EML4: variants seen among roughly 807,000 people sequenced by gnomAD.
EML4 encodes the protein echinoderm microtubule-associated protein-like 4.
Under a neutral mutation model 129.0 loss-of-function variants are expected in EML4, and 72 were observed. The observed-to-expected ratio is 0.56, with a 90% CI of 0.46 to 0.68. EML4 has a LOEUF of 0.68. Ranked by LOEUF, EML4 falls within the 30% of genes least tolerant of loss-of-function variation. EML4 has a pLI of 0.00. For synonymous variants in EML4, 532 were observed against 405.0 expected (o/e 1.31, Z -3.77); for missense variants, 1,363 against 1,190.6 (o/e 1.14, Z -2.13).
At chr2:42,290,709 G>T (rs969003774) in intron 11 of EML4, among the ~76,000 whole-genome samples, 2 of 152,044 alleles carry the variant, frequency 1.3e-5, no homozygotes, top group African/African-American at 2.4e-5. Flanking sequence ...TGCAGCCAGG[G>T]GAACAGAGCG....
intron 22 of EML4, among the ~76,000 whole-genome samples, chr2:42,329,447 A>C (rs1402798841): frequency 6.6e-6 from 1 of 152,256 alleles, no homozygotes; most frequent in Non-Finnish European, 1.5e-5. Context: ...AGCTCTGGCA[A>C]GTATACGACC....
At chr2:42,177,015 ACTCCTGACC>A (rs1670646079) in intron 1 of EML4, among the ~76,000 whole-genome samples, 1 of 152,044 alleles carries the variant, frequency 6.6e-6, no homozygotes, top group Non-Finnish European at 1.5e-5. Flanking sequence ...CCTGTCTCAA[ACTCCTGACC>A]TCAAGTGATC....
At chr2:42,212,784 G>A (rs1175230176) in intron 1 of EML4, among the ~76,000 whole-genome samples, 1 of 152,044 alleles carries the variant, frequency 6.6e-6, no homozygotes, top group African/African-American at 2.4e-5. Context: ...TATTGGGTAG[G>A]GCATGAGAAT....
intron 11 of EML4, among the ~76,000 whole-genome samples, chr2:42,290,648 A>G (rs568299617): frequency 8.1e-4 from 124 of 152,158 alleles, no homozygotes; most frequent in African/African-American, 2.3e-3. Context: ...GGAAGCATCA[A>G]TTGAGCCCAG....
intron 1 of EML4, among the ~76,000 whole-genome samples, chr2:42,238,572 T>A (rs772056759): frequency 5.9e-5 from 9 of 152,110 alleles, no homozygotes; most frequent in Non-Finnish European, 1.3e-4. Context: ...GTGAGACCCA[T>A]CTCTACAAAA....
At chr2:42,248,066 G>A (rs937166278) in intron 2 of EML4, among the ~76,000 whole-genome samples, 3 of 151,990 alleles carry the variant, frequency 2.0e-5, no homozygotes, top group Non-Finnish European at 4.4e-5. Flanking sequence ...TCAAACTGCT[G>A]GGCACAAGTG....
chr2:42,264,676 A>T, intron 5 of EML4, 30 bp from the exon 6 acceptor site: 1 of 1,278,698 alleles, frequency 7.8e-7, no homozygotes, highest in Non-Finnish European at 1.1e-6. Context: ...AACTTATAAA[A>T]TAAATGTGTT....
rs1158090721 is a variant in EML4 at position 42,264,903 on chromosome 2, T to A, written c.667+172T>A. 6 of 1,550,076 alleles carry A rather than the reference T, an allele frequency of 3.9e-6. No individual in the cohort carries two copies. The African/African-American group carries it at 8.2e-5, about 21-fold the overall frequency. On this transcript the variant is annotated intron_variant, in intron 6 of 22. Coordinates refer to ENST00000318522, the MANE Select transcript of EML4 (RefSeq NM_019063.5). ...CAGTTTTTATTGTAAGGTAATGTCA[T>A]TTTTGTCTCAACCAGCAAAAATGTC...
At chr2:42,269,202 A>G (rs777489600) in intron 6 of EML4, among the ~76,000 whole-genome samples, 4 of 152,244 alleles carry the variant, frequency 2.6e-5, no homozygotes, top group Non-Finnish European at 5.9e-5. Flanking sequence ...TTTGAATTAT[A>G]TACTGTCTAA....
At chr2:42,197,117 T>C (rs1019914029) in intron 1 of EML4, among the ~76,000 whole-genome samples, 11 of 152,184 alleles carry the variant, frequency 7.2e-5, no homozygotes, top group African/African-American at 2.7e-4. Context: ...TCACCCAGGC[T>C]GAAGTGCAGT....
intron 1 of EML4, among the ~76,000 whole-genome samples, chr2:42,197,702 T>C (rs1457678967): frequency 6.6e-6 from 1 of 152,188 alleles, no homozygotes; most frequent in Non-Finnish European, 1.5e-5. Flanking sequence ...AGAATGATCA[T>C]TTATTGGCAC....
At chr2:42,177,980 A>G (rs1445345247) in intron 1 of EML4, among the ~76,000 whole-genome samples, 1 of 152,242 alleles carries the variant, frequency 6.6e-6, no homozygotes, top group Non-Finnish European at 1.5e-5. Context: ...TTTAGTGGCT[A>G]ATCCCTATCT....
intron 1 of EML4, among the ~76,000 whole-genome samples, chr2:42,173,191 C>T (rs1235458027): frequency 2.0e-5 from 3 of 152,158 alleles, no homozygotes; most frequent in Non-Finnish European, 4.4e-5. Context: ...TTTCTCATCA[C>T]AGATAATAGT....
chr2:42,256,711 G>C, intron 3 of EML4, 81 bp downstream of exon 3: 2 of 1,516,714 alleles, frequency 1.3e-6, no homozygotes, highest in Non-Finnish European at 1.8e-6. Context: ...GAAAGAATAT[G>C]AAATAGAGCT....
intron 1 of EML4, among the ~76,000 whole-genome samples, chr2:42,240,773 A>G (rs1329917351): frequency 6.6e-6 from 1 of 152,190 alleles, no homozygotes; most frequent in African/African-American, 2.4e-5. Flanking sequence ...TCATCTAATC[A>G]TCCCAAGCCT....
chr2:42,278,016 C>G lies in EML4; in HGVS notation c.668-2834C>G, dbSNP rs150547451. Among the ~76,000 whole-genome samples the G allele has an allele frequency of 2.2e-3, 330 of 152,276 alleles. 2 individuals are homozygous for G. The highest frequency in any genetic ancestry group is 7.6e-3 in the African/African-American group (314 of 41,550). On this transcript the variant is annotated intron_variant, in intron 6 of 22. Coordinates refer to ENST00000318522, the MANE Select transcript of EML4 (RefSeq NM_019063.5). ...GTCGTTTAAGTCATTATTAGAGATC[C>G]TAAGGTTGTATCAGCCTCTGGTTGA...
intron 1 of EML4, among the ~76,000 whole-genome samples, chr2:42,243,187 A>G (rs1024151596): frequency 2.0e-5 from 3 of 152,174 alleles, no homozygotes; most frequent in Non-Finnish European, 4.4e-5. Flanking sequence ...TGACAGCTCT[A>G]CTAGGACCAA....
intron 7 of EML4, among the ~76,000 whole-genome samples, chr2:42,281,372 G>A (rs1206210632): frequency 2.0e-5 from 3 of 147,988 alleles, no homozygotes; most frequent in Non-Finnish European, 3.0e-5. Context: ...CAGCCTGGGC[G>A]ACCGGGGAAA....
In EML4 at chr2:42,182,568, G is replaced by T. The variant is rs573525609; in HGVS notation, c.25+12932G>T. ...TTGATAGCTTTAGGACTGAACTATG[G>T]GGGAAGGGGAGACACCTAATCATTT... is the stretch of plus-strand genomic sequence containing the variant. On this transcript the variant is annotated intron_variant, in intron 1 of 22. Transcript: ENST00000318522. Among the ~76,000 whole-genome samples the T allele has an allele frequency of 1.5e-3, 229 of 152,214 alleles. 1 individual carries two copies. The highest frequency in any genetic ancestry group is 5.3e-3 in the African/African-American group (221 of 41,526).
Sources: allele counts gnomAD v4.1 joint callset (sites outside exome capture counted in the v4.1 genomes callset), GRCh38; gene constraint gnomAD v4.1.1; transcripts MANE v1.5; gene names NCBI Gene and HGNC (gene_info 2026-07-23, HGNC 2026-07-21).